FANCL: variants seen among roughly 807,000 people sequenced by gnomAD.
FANCL encodes the protein FA complementation group L, also known as E3 ubiquitin-protein ligase FANCL.
FANCL carries 69 observed loss-of-function variants against 59.4 expected under a neutral mutation model. The observed-to-expected ratio is 1.16, with a 90% confidence interval of 0.96 to 1.42. The LOEUF is 1.42. FANCL is among the 40% of genes most tolerant of loss of function. The pLI, the probability that FANCL is intolerant of heterozygous loss-of-function variation, is 0.00. For missense variants in FANCL, 519 were observed against 447.2 expected (o/e 1.16, Z -1.45); for synonymous variants, 180 against 147.1 (o/e 1.22, Z -1.62).
At chr2:58,177,782 TAA>T (rs1441290514) in intron 7 of FANCL, among the ~76,000 whole-genome samples, 15 of 114,598 alleles carry the variant, frequency 1.3e-4, no homozygotes, top group Admixed American at 1.3e-3. Flanking sequence ...AATAATAAAA[TAA>T]AAAAGATTAA....
chr2:58,217,217 C>T (rs13015123), intron 5 of FANCL, among the ~76,000 whole-genome samples: 321 of 6,602 alleles, frequency 0.049, 1 homozygote, highest in African/African-American at 0.059. Flanking sequence ...TATATATATA[C>T]ACACACACAC....
intron 7 of FANCL, among the ~76,000 whole-genome samples, chr2:58,172,228 G>T (rs549538428): frequency 6.6e-6 from 1 of 152,212 alleles, no homozygotes; most frequent in Non-Finnish European, 1.5e-5. Flanking sequence ...GTCCCTGTCC[G>T]ACAGCTTTGA....
intron 4 of FANCL, 75 bp from the exon 5 acceptor site, chr2:58,222,117 T>C (rs951518952): frequency 2.0e-6 from 2 of 1,008,730 alleles, no homozygotes; most frequent in African/African-American, 1.6e-5. Flanking sequence ...TTGCAAAACA[T>C]AATTTCATTA....
intron 2 of FANCL, among the ~76,000 whole-genome samples, chr2:58,231,003 C>CTTACTTGCA (rs1693530220): frequency 1.3e-5 from 2 of 152,230 alleles, no homozygotes; most frequent in East Asian, 3.8e-4. Context: ...CCACACAAAA[C>CTTACTTGCA]TTACTTGCAT....
At chr2:58,219,156 AAAAAAAAAAAAAAAAATATATATATATAT>A (rs1273909684) in intron 5 of FANCL, among the ~76,000 whole-genome samples, 1 of 93,168 alleles carries the variant, frequency 1.1e-5, no homozygotes, top group Non-Finnish European at 1.9e-5. Flanking sequence ...AAAAAAAAAA[AAAAAAAAAAAAAAAAATATATATATATAT>A]ATATATATAT....
intron 7 of FANCL, among the ~76,000 whole-genome samples, chr2:58,166,450 C>T (rs1685962138): frequency 6.6e-6 from 1 of 152,060 alleles, no homozygotes; most frequent in South Asian, 2.1e-4. Context: ...AACTTTTAGC[C>T]AATCTCTGAA....
chr2:58,209,380 AT>A (rs968306938), intron 5 of FANCL, among the ~76,000 whole-genome samples: 13 of 150,214 alleles, frequency 8.7e-5, no homozygotes, highest in South Asian at 2.1e-4. Flanking sequence ...GAAAAACATG[AT>A]TTTTTTTTTA....
chr2:58,202,239 TAA>T (rs5831491), intron 6 of FANCL, among the ~76,000 whole-genome samples: 12 of 106,080 alleles, frequency 1.1e-4, no homozygotes, highest in Non-Finnish European at 1.3e-4. Flanking sequence ...ACCTTTTTCC[TAA>T]AAAAAAAAAA....
In FANCL at chr2:58,198,676, A is replaced by AT. The variant is rs763505840; in HGVS notation, c.472-15dup. The stretch of plus-strand genomic sequence containing the variant: ...TTCTGCAGGATACTATTAAAAAAGC[A>AT]TAACATTAGACCATTTTTGCTTCTG... On this transcript the variant is annotated splice_polypyrimidine_tract_variant and intron_variant, in intron 6 of 13. Transcript: ENST00000233741. 1 of 1,605,044 alleles carries AT rather than the reference A, an allele frequency of 6.2e-7. No individual in the cohort carries two copies. Among genetic ancestry groups the AT allele is most frequent in the South Asian group, 1.1e-5 (1 of 90,844 alleles).
intron 1 of FANCL, among the ~76,000 whole-genome samples, chr2:58,233,332 C>A (rs752115874): frequency 2.6e-5 from 4 of 151,944 alleles, no homozygotes; most frequent in African/African-American, 4.8e-5. Flanking sequence ...TTTAAAAGGT[C>A]AAATAACATG....
chr2:58,237,607 A>G (rs999845082), intron 1 of FANCL, among the ~76,000 whole-genome samples: 1 of 152,150 alleles, frequency 6.6e-6, no homozygotes, highest in East Asian at 1.9e-4. Flanking sequence ...AAAAAAATTG[A>G]AGAAATTAAA....
chr2:58,163,652 T>G (rs975976936), intron 8 of FANCL, 135 bp from the exon 9 acceptor site: 1 of 648,740 alleles, frequency 1.5e-6, no homozygotes, highest in Non-Finnish European at 2.8e-6. Flanking sequence ...GTTTTGTAGT[T>G]TTATGTAATG....
intron 7 of FANCL, among the ~76,000 whole-genome samples, chr2:58,197,536 T>C (rs1161996664): frequency 2.6e-5 from 4 of 152,160 alleles, no homozygotes; most frequent in Non-Finnish European, 5.9e-5. Flanking sequence ...TCCTTAAAAA[T>C]CACACACATG....
chr2:58,229,945 A>C, intron 2 of FANCL, 71 bp from the exon 3 acceptor site: 1 of 1,025,782 alleles, frequency 9.7e-7, no homozygotes. Context: ...TGCTAACACA[A>C]ACATGCATGT....
At chr2:58,229,505 AT>A (rs987398994) in intron 3 of FANCL, among the ~76,000 whole-genome samples, 313 of 152,076 alleles carry the variant, frequency 2.1e-3, no homozygotes, top group African/African-American at 7.1e-3. Context: ...AATGGGTCTG[AT>A]TTTTTTTCCC....
chr2:58,162,620 T>C (rs1254005770), intron 11 of FANCL, among the ~76,000 whole-genome samples: 1 of 151,904 alleles, frequency 6.6e-6, no homozygotes, highest in African/African-American at 2.4e-5. Context: ...GCAGGGTAAC[T>C]GTGGAACTTT....
At chr2:58,239,456 T>G (rs1297269029) in intron 1 of FANCL, among the ~76,000 whole-genome samples, 1 of 152,152 alleles carries the variant, frequency 6.6e-6, no homozygotes, top group East Asian at 1.9e-4. Context: ...AATGTCTAGC[T>G]TATAAAAAAC....
At chr2:58,169,904 T>A (rs1686381757) in intron 7 of FANCL, among the ~76,000 whole-genome samples, 1 of 152,042 alleles carries the variant, frequency 6.6e-6, no homozygotes, top group Non-Finnish European at 1.5e-5. Flanking sequence ...TCAGACTATG[T>A]GAAAAGACCA....
intron 3 of FANCL, 90 bp downstream of exon 3, chr2:58,229,724 C>A (rs1693389360): frequency 1.0e-6 from 1 of 969,758 alleles, no homozygotes; most frequent in Non-Finnish European, 1.6e-6. Flanking sequence ...CAGTTTGTTA[C>A]AACATTGTGC....
Sources: allele counts gnomAD v4.1 joint callset (sites outside exome capture counted in the v4.1 genomes callset), GRCh38; gene constraint gnomAD v4.1.1; transcripts MANE v1.5; gene names NCBI Gene and HGNC (gene_info 2026-07-23, HGNC 2026-07-21).